Variants in ENOX1 observed in about 807,000 individuals in gnomAD.
The protein encoded by ENOX1 is ecto-NOX disulfide-thiol exchanger 1, also known as candidate growth-related and time keeping constitutive hydroquinone (NADH) oxidase.
In ENOX1, 42 loss-of-function variants were observed where a neutral mutation model predicts 82.5. The observed-to-expected ratio is 0.51, with a 90% CI of 0.40 to 0.66. The LOEUF is 0.66. ENOX1 is among the 30% of genes least tolerant of loss of function. The pLI, the probability that ENOX1 is intolerant of heterozygous loss-of-function variation, is 0.00. For missense variants in ENOX1, 608 were observed against 811.6 expected, an observed-to-expected ratio of 0.75 and a Z score of 3.05; for synonymous variants, 271 against 282.2, an observed-to-expected ratio of 0.96 and a Z score of 0.40.
chr13:43,431,785 C>A (rs1395903889), intron 3 of ENOX1, among the ~76,000 whole-genome samples: 3 of 152,150 alleles, frequency 2.0e-5, no homozygotes, highest in Non-Finnish European at 4.4e-5. Flanking sequence ...TGGGTCCTTG[C>A]TGACATTGGA....
At chr13:43,691,419 A>G (rs1958702468) in intron 1 of ENOX1, among the ~76,000 whole-genome samples, 1 of 151,928 alleles carries the variant, frequency 6.6e-6, no homozygotes, top group South Asian at 2.1e-4. Context: ...TATCTAAAAC[A>G]CCAATCAGAT....
intron 4 of ENOX1, 131 bp downstream of exon 4, chr13:43,412,714 A>T: frequency 1.1e-6 from 1 of 928,916 alleles, no homozygotes; most frequent in Non-Finnish European, 1.6e-6. Flanking sequence ...CATTTTCACT[A>T]GTTCTACAGA....
At chr13:43,442,048 C>T (rs914293774) in intron 3 of ENOX1, among the ~76,000 whole-genome samples, 4 of 152,050 alleles carry the variant, frequency 2.6e-5, no homozygotes, top group Non-Finnish European at 1.5e-5. Context: ...AACGCCTACA[C>T]GTAGGGAGAA....
At chr13:43,505,790 C>CATTTGTCAATT (rs1159307361) in intron 2 of ENOX1, among the ~76,000 whole-genome samples, 1 of 151,940 alleles carries the variant, frequency 6.6e-6, no homozygotes, top group Admixed American at 6.6e-5. Flanking sequence ...CTTTTGTTGC[C>CATTTGTCAATT]GTTGCTTTTG....
chr13:43,721,728 G>A (rs1013214836), intron 1 of ENOX1, among the ~76,000 whole-genome samples: 44 of 151,960 alleles, frequency 2.9e-4, no homozygotes, highest in African/African-American at 1.0e-3. Context: ...TGCACAAGGG[G>A]CCCCACATTT....
intron 12 of ENOX1, among the ~76,000 whole-genome samples, 155 bp from the exon 13 acceptor site, chr13:43,269,732 G>C (rs2044580162): frequency 6.6e-6 from 1 of 152,194 alleles, no homozygotes; most frequent in Non-Finnish European, 1.5e-5. Context: ...TCCGCACTAA[G>C]TATCAAGGGC....
chr13:43,322,364 G>A lies in ENOX1; in HGVS notation c.1261+20C>T. 6.3e-7 allele frequency: 1 copy of A among 1,579,746 alleles called. No homozygotes were observed. The highest frequency in any genetic ancestry group is 8.7e-7 in the Non-Finnish European group (1 of 1,149,000). The stretch of plus-strand genomic sequence containing the variant: ...GATCATTATGATACCTCATGGGTCT[G>A]TGGCAGTTATCGGCATTACCTGATT... On this transcript the variant is annotated intron_variant, in intron 11 of 16. Coordinates refer to ENST00000690772, the MANE Select transcript of ENOX1 (RefSeq NM_001347969.2).
rs540414700 is a variant in ENOX1, at chr13:43,362,062, A to G, written c.209-610T>C. On this transcript the variant is annotated intron_variant, in intron 5 of 16. Coordinates refer to ENST00000690772, the MANE Select transcript of ENOX1 (RefSeq NM_001347969.2). ...CATGCAGGCATAAAATTAGCTATATACATTTCTGGCTTCTATTGGATAATT... is the reference window on the plus strand; with the variant it reads ...CATGCAGGCATAAAATTAGCTATATGCATTTCTGGCTTCTATTGGATAATT... 1.4e-3 allele frequency among the ~76,000 whole-genome samples: 218 copies of G among 151,992 alleles called. 1 individual carries two copies. Among genetic ancestry groups the G allele is most frequent in the Middle Eastern group, 3.4e-3 (1 of 294 alleles).
At chr13:43,351,307 T>C (rs746248978) in intron 8 of ENOX1, among the ~76,000 whole-genome samples, 1 of 152,194 alleles carries the variant, frequency 6.6e-6, no homozygotes, top group Non-Finnish European at 1.5e-5. Context: ...TCCTTAACTA[T>C]TTAGTAGCTG....
chr13:43,314,128 T>C (rs1362739806), intron 11 of ENOX1, among the ~76,000 whole-genome samples: 1 of 152,220 alleles, frequency 6.6e-6, no homozygotes, highest in Admixed American at 6.5e-5. Context: ...AGCCACTTCC[T>C]AGAAGGCTTC....
At chr13:43,470,874 A>G (rs2058039146) in intron 3 of ENOX1, among the ~76,000 whole-genome samples, 1 of 152,170 alleles carries the variant, frequency 6.6e-6, no homozygotes, top group South Asian at 2.1e-4. Flanking sequence ...ACTGCACCAA[A>G]TATGGGTGAG....
At chr13:43,499,247 T>C (rs1417311382) in intron 2 of ENOX1, among the ~76,000 whole-genome samples, 2 of 151,834 alleles carry the variant, frequency 1.3e-5, no homozygotes, top group Admixed American at 1.3e-4. Context: ...GACTGGATCC[T>C]GGAACAAAAA....
intron 2 of ENOX1, among the ~76,000 whole-genome samples, chr13:43,533,441 T>C (rs1422272592): frequency 1.3e-5 from 2 of 152,154 alleles, no homozygotes; most frequent in Non-Finnish European, 2.9e-5. Flanking sequence ...AAGTCTCTGA[T>C]ATATTTTTTC....
intron 2 of ENOX1, among the ~76,000 whole-genome samples, chr13:43,623,489 C>T (rs1466289391): frequency 6.6e-6 from 1 of 152,148 alleles, no homozygotes; most frequent in African/African-American, 2.4e-5. Flanking sequence ...CAGGTAAACT[C>T]GGAAACTTCT....
At chr13:43,709,827 C>A (rs756831847) in intron 1 of ENOX1, among the ~76,000 whole-genome samples, 2 of 152,062 alleles carry the variant, frequency 1.3e-5, no homozygotes, top group Admixed American at 1.3e-4. Flanking sequence ...AAATAGAAAT[C>A]TTGGATAAAA....
At chr13:43,247,250 T>C (rs1019920910) in intron 14 of ENOX1, among the ~76,000 whole-genome samples, 16 of 150,746 alleles carry the variant, frequency 1.1e-4, no homozygotes, top group African/African-American at 2.2e-4. Flanking sequence ...GAGGTGGAGG[T>C]TGCAGTGAGC....
At chr13:43,719,838 T>C (rs2088445173) in intron 1 of ENOX1, among the ~76,000 whole-genome samples, 3 of 152,256 alleles carry the variant, frequency 2.0e-5, no homozygotes, top group African/African-American at 7.2e-5. Context: ...TCTTGCCCAA[T>C]TCTGACCTTC....
In ENOX1 at chr13:43,730,223, G is replaced by A. The variant is rs56025352; in HGVS notation, c.-285+56429C>T. Among the ~76,000 whole-genome samples the A allele has an allele frequency of 6.4e-3, 978 of 152,274 alleles. 9 individuals are homozygous for A. The highest frequency in any genetic ancestry group is 0.022 in the African/African-American group (929 of 41,546). ...GTAGGGGAGGAGCAAAGAAAATAAAGGAGAGGAAGAAAGGTGGTATCTCTA... is the reference window on the plus strand; with the variant it reads ...GTAGGGGAGGAGCAAAGAAAATAAAAGAGAGGAAGAAAGGTGGTATCTCTA... On this transcript the variant is annotated intron_variant, in intron 1 of 16. Transcript: ENST00000690772.
intron 2 of ENOX1, among the ~76,000 whole-genome samples, chr13:43,584,875 G>T (rs1412414667): frequency 1.3e-5 from 2 of 152,062 alleles, no homozygotes; most frequent in African/African-American, 4.8e-5. Context: ...ATCTCCATCC[G>T]CAGGCAAGAA....
Sources: allele counts gnomAD v4.1 joint callset (sites outside exome capture counted in the v4.1 genomes callset), GRCh38; gene constraint gnomAD v4.1.1; transcripts MANE v1.5; gene names NCBI Gene and HGNC (gene_info 2026-07-23, HGNC 2026-07-21).